Variants in AHNAK observed in about 807,000 individuals in gnomAD.
The protein encoded by AHNAK is AHNAK nucleoprotein, also known as neuroblast differentiation-associated protein AHNAK.
AHNAK carries 23 observed loss-of-function variants against 37.8 expected under a neutral mutation model. The ratio of observed to expected loss-of-function variants is 0.61; its 90% CI spans 0.44 to 0.86. The LOEUF is 0.86. AHNAK is among the 40% of genes least tolerant of loss of function. AHNAK has a pLI of 0.00. For missense variants in AHNAK, 7,411 were observed against 7,319.4 expected, an observed-to-expected ratio of 1.01 and a Z score of -0.46; for synonymous variants, 2,481 against 2,636.3, an observed-to-expected ratio of 0.94 and a Z score of 1.80.
At chr11:62,449,126 C>CA (rs1332158534) in intron 5 of AHNAK, among the ~76,000 whole-genome samples, 1 of 152,116 alleles carries the variant, frequency 6.6e-6, no homozygotes, top group Non-Finnish European at 1.5e-5. Context: ...CACGCAGAGC[C>CA]ATCAGGTCAT....
intron 1 of AHNAK, among the ~76,000 whole-genome samples, chr11:62,544,681 G>A (rs182688962): frequency 6.6e-6 from 1 of 152,144 alleles, no homozygotes; most frequent in African/African-American, 2.4e-5. Flanking sequence ...TGGGGGGTGG[G>A]TGACCCCGCT....
chr11:62,487,106 G>A (rs76860529), intron 5 of AHNAK, among the ~76,000 whole-genome samples: 2,011 of 152,292 alleles, frequency 0.013, 47 homozygotes, highest in African/African-American at 0.045. Context: ...CCAGTGGTGC[G>A]GGACGTCTGG....
At chr11:62,477,028 T>C (rs1003061139) in intron 5 of AHNAK, among the ~76,000 whole-genome samples, 2 of 152,160 alleles carry the variant, frequency 1.3e-5, no homozygotes, top group Non-Finnish European at 2.9e-5. Flanking sequence ...ACTTCAAAAG[T>C]TGAACGAATT....
At chr11:62,490,536 T>C (rs1199296521) in intron 5 of AHNAK, among the ~76,000 whole-genome samples, 1 of 152,070 alleles carries the variant, frequency 6.6e-6, no homozygotes, top group African/African-American at 2.4e-5. Flanking sequence ...AGTATGTCCC[T>C]GTTTATATGC....
Position 62,518,875 on chromosome 11 carries a change from T to C in AHNAK, c.15542A>G (p.Lys5181Arg). The change falls in exon 5 of 5, where the codon AAA (lysine) becomes AGA (arginine). Residue 5181 changes from lysine (K) to arginine (R), a missense_variant. Lys to Arg is a conservative substitution (Grantham distance 26, BLOSUM62 2). Coordinates refer to ENST00000378024, the MANE Select transcript of AHNAK (RefSeq NM_001620.3). ...PDINIEGLDA[K>R]VKTPSFGISA... The stretch of plus-strand genomic sequence containing the variant: ...AATGCCGAAGGACGGTGTTTTGACT[T>C]TAGCATCTAGGCCTTCGATGTTGAT... 6.2e-7 allele frequency: 1 copy of C among 1,614,220 alleles called. No homozygotes were observed. Among genetic ancestry groups the C allele is most frequent in the East Asian group, 2.2e-5 (1 of 44,880 alleles).
chr11:62,454,412 C>CAAA (rs5792260), intron 5 of AHNAK, among the ~76,000 whole-genome samples: 1 of 126,138 alleles, frequency 7.9e-6, no homozygotes, highest in Non-Finnish European at 1.7e-5. Flanking sequence ...GACTCCATCT[C>CAAA]AAAAAAAAAA....
chr11:62,501,394 C>T (rs915652384), intron 4 of AHNAK, among the ~76,000 whole-genome samples: 1 of 152,084 alleles, frequency 6.6e-6, no homozygotes, highest in African/African-American at 2.4e-5. Flanking sequence ...TGATGAAATT[C>T]CATCTCTACT....
chr11:62,532,302 G>T lies in AHNAK; in HGVS notation c.2115C>A (p.His705Gln), dbSNP rs749159988. The T allele has an allele frequency of 6.2e-6, 10 of 1,612,382 alleles. No individual in the cohort carries two copies. The highest frequency in any genetic ancestry group is 8.5e-6 in the Non-Finnish European group (10 of 1,179,556). Residue 705 changes from histidine (H) to glutamine (Q), a missense_variant, in exon 5 of 5, where the codon CAC becomes CAA. Transcript: ENST00000378024. Reference protein sequence around the residue: ...PKISMPDVDLHVKGTKVKGEY... With the variant: ...PKISMPDVDLQVKGTKVKGEY... Reference sequence around the variant, plus strand: ...CTCCCTTCACCTTTGTACCTTTCACGTGCAAATCTACATCAGGCATGGAGA... The same window carrying T: ...CTCCCTTCACCTTTGTACCTTTCACTTGCAAATCTACATCAGGCATGGAGA...
chr11:62,492,846 C>CCG (rs1939526771), intron 4 of AHNAK, among the ~76,000 whole-genome samples: 1 of 139,932 alleles, frequency 7.1e-6, no homozygotes, highest in African/African-American at 3.2e-5. Context: ...CCACTGCACT[C>CCG]CAGCCGGGGC....
At chr11:62,450,252 G>A (rs1938507589) in intron 5 of AHNAK, among the ~76,000 whole-genome samples, 1 of 151,928 alleles carries the variant, frequency 6.6e-6, no homozygotes, top group Admixed American at 6.6e-5. Context: ...CTGCCTCCTG[G>A]GTTCAAGCAA....
chr11:62,464,852 C>T (rs758035056), intron 5 of AHNAK, among the ~76,000 whole-genome samples: 5 of 151,968 alleles, frequency 3.3e-5, no homozygotes, highest in Non-Finnish European at 5.9e-5. Context: ...AAGAAGTACA[C>T]GCTTGGGTGA....
chr11:62,484,302 C>A (rs1939344682), intron 5 of AHNAK, among the ~76,000 whole-genome samples: 1 of 152,036 alleles, frequency 6.6e-6, no homozygotes, highest in African/African-American at 2.4e-5. Context: ...AGGAGGATCA[C>A]TTGAGCCCAA....
Position 62,524,251 on chromosome 11 carries a change from G to C in AHNAK, c.10166C>G (p.Ala3389Gly), listed in dbSNP as rs1343839644. The change falls in exon 5 of 5, where the codon GCT becomes GGT. Residue 3389 changes from alanine (A) to glycine (G), a missense_variant. Transcript: ENST00000378024. Reference protein sequence around the residue: ...DITGPKVDINAPDVEVQGKVK... With the variant: ...DITGPKVDINGPDVEVQGKVK... ...TTTTCCTTGGACCTCGACATCAGGA[G>C]CATTAATATCAACTTTTGGACCTGT... The C allele has an allele frequency of 6.2e-7, 1 of 1,613,422 alleles. No homozygotes were observed. The highest frequency in any genetic ancestry group is 1.1e-5 in the South Asian group (1 of 90,832).
Position 62,530,506 on chromosome 11 carries a change from C to T in AHNAK, c.3911G>A (p.Gly1304Glu), listed in dbSNP as rs745923299. ...CTTAAACTTGGGGCCCTTCAGCTTT[C>T]CTTCCGGGCCCTCAAGGCTCACATC... ...VPDVSLEGPE[G>E]KLKGPKFKMP... Residue 1304 changes from glycine (G) to glutamate (E), a missense_variant, in exon 5 of 5, where the codon GGA becomes GAA. Gly to Glu is a moderately conservative substitution (Grantham distance 98, BLOSUM62 -2). Coordinates refer to ENST00000378024, the MANE Select transcript of AHNAK (RefSeq NM_001620.3). The T allele has an allele frequency of 1.2e-6, 2 of 1,610,990 alleles. No individual in the cohort carries two copies. Among genetic ancestry groups the T allele is most frequent in the Non-Finnish European group, 1.7e-6 (2 of 1,179,370 alleles).
intron 5 of AHNAK, among the ~76,000 whole-genome samples, chr11:62,468,356 AAG>A (rs1938956903): frequency 1.4e-4 from 3 of 21,638 alleles, no homozygotes; most frequent in Non-Finnish European, 7.5e-4. Flanking sequence ...TCCCAAAAAA[AAG>A]AAAAAAAAAA....
In AHNAK at chr11:62,531,653, T is replaced by C. The variant is rs1397519935; in HGVS notation, c.2764A>G (p.Ile922Val). Residue 922 changes from isoleucine (I) to valine (V), a missense_variant, in exon 5 of 5, where the codon ATT becomes GTT. Physicochemically the swap from Ile to Val is conservative, Grantham distance 29. Transcript: ENST00000378024. ...KVGVEVPDVN[I>V]EGPEGKLKGP... Reference sequence around the variant, plus strand: ...TTCAGCTTTCCTTCAGGTCCTTCAATATTCACATCTGGAACTTCAACACCC... The same window carrying C: ...TTCAGCTTTCCTTCAGGTCCTTCAACATTCACATCTGGAACTTCAACACCC... 1.2e-6 allele frequency: 2 copies of C among 1,613,834 alleles called. No homozygotes were observed. Among genetic ancestry groups the C allele is most frequent in the Non-Finnish European group, 8.5e-7 (1 of 1,179,962 alleles).
At chr11:62,443,426 C>T (rs1332030959) in intron 5 of AHNAK, among the ~76,000 whole-genome samples, 1 of 151,994 alleles carries the variant, frequency 6.6e-6, no homozygotes, top group African/African-American at 2.4e-5. Flanking sequence ...GCATGCACCA[C>T]CACGCCTGGC....
chr11:62,450,891 G>A (rs1157540686), intron 5 of AHNAK, among the ~76,000 whole-genome samples: 1 of 152,252 alleles, frequency 6.6e-6, no homozygotes, highest in African/African-American at 2.4e-5. Flanking sequence ...CAGAGAAGGT[G>A]GGTGGCAAGC....
intron 5 of AHNAK, among the ~76,000 whole-genome samples, chr11:62,465,518 C>T (rs967158220): frequency 6.6e-6 from 1 of 152,022 alleles, no homozygotes; most frequent in Non-Finnish European, 1.5e-5. Context: ...GAGGTTGAGG[C>T]AGGAGAATCA....
Sources: allele counts gnomAD v4.1 joint callset (sites outside exome capture counted in the v4.1 genomes callset), GRCh38; gene constraint gnomAD v4.1.1; transcripts MANE v1.5; gene names NCBI Gene and HGNC (gene_info 2026-07-23, HGNC 2026-07-21).